ZFYVE1: variants seen among roughly 807,000 people sequenced by gnomAD.
ZFYVE1 encodes zinc finger FYVE-type containing 1, also known as zinc finger FYVE domain-containing protein 1.
In ZFYVE1, 30 loss-of-function variants were observed where a neutral mutation model predicts 74.4. The ratio of observed to expected loss-of-function variants is 0.40; its 90% confidence interval spans 0.30 to 0.55. The LOEUF (loss-of-function observed/expected upper bound fraction) is 0.55. ZFYVE1 is among the 20% of genes least tolerant of loss of function. The pLI, the probability that ZFYVE1 is intolerant of heterozygous loss-of-function variation, is 0.42. For synonymous variants in ZFYVE1, 335 were observed against 385.1 expected, an observed-to-expected ratio of 0.87 and a Z score of 1.52; for missense variants, 703 against 1,011.6, an observed-to-expected ratio of 0.69 and a Z score of 4.14.
At position 73,000,745 on chromosome 14, in the gene ZFYVE1, C is replaced by T. The variant is rs538603145; in HGVS notation, c.484-2430G>A. ...ACATCTAGCTATATACCCAAGAGAACTGAAAACACATGTCCACACAAATCT... is the reference window on the plus strand; with the variant it reads ...ACATCTAGCTATATACCCAAGAGAATTGAAAACACATGTCCACACAAATCT... On this transcript the variant is annotated intron_variant, in intron 2 of 11. Coordinates refer to ENST00000556143, the MANE Select transcript of ZFYVE1 (RefSeq NM_021260.4). Among the ~76,000 whole-genome samples the T allele has an allele frequency of 1.7e-3, 260 of 152,312 alleles. 2 individuals are homozygous for T. Among genetic ancestry groups the T allele is most frequent in the African/African-American group, 5.7e-3 (238 of 41,562 alleles).
At chr14:73,015,104 G>A (rs1305684454) in intron 2 of ZFYVE1, among the ~76,000 whole-genome samples, 7 of 151,006 alleles carry the variant, frequency 4.6e-5, no homozygotes, top group Admixed American at 4.0e-4. Flanking sequence ...GGTGGCAGGC[G>A]CCTATAGTCC....
intron 2 of ZFYVE1, among the ~76,000 whole-genome samples, chr14:73,005,680 T>TA (rs1893963607): frequency 6.6e-6 from 1 of 152,064 alleles, no homozygotes; most frequent in Admixed American, 6.6e-5. Context: ...CTAAAAGAGA[T>TA]AAAGTATGTA....
In ZFYVE1 at chr14:72,998,057, G is replaced by C. The variant is rs914423512; in HGVS notation, c.742C>G (p.Gln248Glu). ...ACCTTAAGCAGCAGCCGTGTTCTCT[G>C]GCTTAGATTCACGGTGGCCCCCAGG... ...GLLGATVNLSQRTRLLLKVLA... is the reference protein window; with the variant it reads ...GLLGATVNLSERTRLLLKVLA... Residue 248 changes from glutamine (Q) to glutamate (E), a missense_variant, in exon 3 of 12, where the codon CAG (glutamine) becomes GAG (glutamate). Physicochemically the swap from Gln to Glu is conservative, Grantham distance 29 (BLOSUM62 2). This residue lies in a region of ZFYVE1 where 492 missense variants were observed against 790.0 expected (regional missense o/e 0.62). Transcript: ENST00000556143. The C allele has an allele frequency of 6.2e-7, 1 of 1,614,108 alleles. No individual in the cohort carries two copies. The highest frequency in any genetic ancestry group is 8.5e-7 in the Non-Finnish European group (1 of 1,180,008).
chr14:73,002,453 T>G lies in ZFYVE1; in HGVS notation c.484-4138A>C, dbSNP rs540429603. On this transcript the variant is annotated intron_variant, in intron 2 of 11. Transcript: ENST00000556143. ...AATACAGTTTTTGGTTTTGGTTTTGTTTTTTTTGAGACGGAGTTTTTGCCT... is the reference window on the plus strand; with the variant it reads ...AATACAGTTTTTGGTTTTGGTTTTGGTTTTTTTGAGACGGAGTTTTTGCCT... Among the ~76,000 whole-genome samples, 30 of 90,210 alleles carry G rather than the reference T, an allele frequency of 3.3e-4. No individual in the cohort carries two copies. The East Asian group carries it at 8.8e-3, about 26-fold the overall frequency. The allele number at this position is 90,210 out of a possible 152,430, so 59.2% of individuals were successfully genotyped here.
At chr14:72,977,173 C>T (rs184336178) in intron 8 of ZFYVE1, among the ~76,000 whole-genome samples, 280 of 152,294 alleles carry the variant, frequency 1.8e-3, no homozygotes, top group Non-Finnish European at 2.8e-3. Context: ...TTTGGGAGGC[C>T]GAGGTGGGCA....
At chr14:73,003,059 T>C (rs1282540072) in intron 2 of ZFYVE1, among the ~76,000 whole-genome samples, 12 of 131,702 alleles carry the variant, frequency 9.1e-5, no homozygotes, top group Non-Finnish European at 1.7e-4. Flanking sequence ...CTTTTCTTTT[T>C]TTTTTTTTTT....
chr14:72,978,810 G>C (rs746789080), intron 6 of ZFYVE1, 51 bp downstream of exon 6: 1 of 1,483,550 alleles, frequency 6.7e-7, no homozygotes, highest in Non-Finnish European at 9.4e-7. Flanking sequence ...GCCAAAGAGA[G>C]AGTGGTCAGC....
intron 11 of ZFYVE1, among the ~76,000 whole-genome samples, chr14:72,971,526 C>T (rs1164455248): frequency 1.3e-5 from 2 of 152,084 alleles, no homozygotes; most frequent in Non-Finnish European, 2.9e-5. Flanking sequence ...CAGGGTTTCA[C>T]CATGTTGTCC....
intron 2 of ZFYVE1, among the ~76,000 whole-genome samples, chr14:73,009,728 C>T (rs1220444947): frequency 1.3e-5 from 2 of 152,206 alleles, no homozygotes; most frequent in Non-Finnish European, 2.9e-5. Flanking sequence ...TGCACTCCTG[C>T]CTGGGCAACA....
At chr14:73,001,032 T>C (rs755180236) in intron 2 of ZFYVE1, among the ~76,000 whole-genome samples, 2 of 152,244 alleles carry the variant, frequency 1.3e-5, no homozygotes, top group Non-Finnish European at 2.9e-5. Context: ...CTGTCATGAC[T>C]GTGCCACTTC....
chr14:72,982,400 A>G (rs1893358091), intron 4 of ZFYVE1, among the ~76,000 whole-genome samples: 1 of 151,514 alleles, frequency 6.6e-6, no homozygotes, highest in East Asian at 1.9e-4. Flanking sequence ...AAAAAAAAAA[A>G]AGAAGAAGAA....
chr14:72,972,169 A>C (rs1345924816), intron 11 of ZFYVE1, among the ~76,000 whole-genome samples: 2 of 152,162 alleles, frequency 1.3e-5, no homozygotes, highest in Non-Finnish European at 2.9e-5. Flanking sequence ...AGCCAAGATC[A>C]CACCACTGCA....
Position 72,998,309 on chromosome 14 carries a change from T to A in ZFYVE1, c.490A>T (p.Asn164Tyr). The A allele has an allele frequency of 7.0e-7, 1 of 1,422,004 alleles. No homozygotes were observed. Among genetic ancestry groups the A allele is most frequent in the Non-Finnish European group, 9.2e-7 (1 of 1,081,988 alleles). 88.1% of individuals were successfully genotyped at this position (1,422,004 alleles called of 1,614,324 possible). A position where few individuals can be genotyped will look rare whatever the true frequency, so the allele number is the denominator to read the frequency against. ...VDENEEIQVT[N>Y]EEDFIRKLDC... Reference sequence around the variant, plus strand: ...AATTTTCTAATAAAGTCTTCTTCATTTGTTACCTGCAAAAAAAAAAAAAAA... The same window carrying A: ...AATTTTCTAATAAAGTCTTCTTCATATGTTACCTGCAAAAAAAAAAAAAAA... The change falls in exon 3 of 12, where the codon AAT becomes TAT. Residue 164 changes from asparagine to tyrosine, a missense_variant. This residue lies in a region of ZFYVE1 where 211 missense variants were observed against 221.7 expected (regional missense o/e 0.95). Transcript: ENST00000556143.
At chr14:72,984,169 A>G (rs1232488028) in intron 4 of ZFYVE1, among the ~76,000 whole-genome samples, 1 of 151,600 alleles carries the variant, frequency 6.6e-6, no homozygotes, top group Admixed American at 6.6e-5. Context: ...TGGACTTCAA[A>G]CAACAAAAAA....
Position 72,970,667 on chromosome 14 carries a change from C to T in ZFYVE1, c.*215G>A, listed in dbSNP as rs1423068552. 3.4e-5 allele frequency: 20 copies of T among 592,790 alleles called. No individual in the cohort carries two copies. The highest frequency in any genetic ancestry group is 6.0e-5 in the Non-Finnish European group (20 of 331,476). The allele number at this position is 592,790 out of a possible 1,614,324, so 36.7% of individuals were successfully genotyped here. On this transcript the variant is annotated 3_prime_UTR_variant, in exon 12 of 12. Coordinates refer to ENST00000556143, the MANE Select transcript of ZFYVE1 (RefSeq NM_021260.4). ...TAAATGCAACGGATTCAGGTTCATT[C>T]CCCTTTGCGATAAGTTGCAAGGTCC...
chr14:73,025,914 G>T (rs551392207), intron 1 of ZFYVE1, among the ~76,000 whole-genome samples: 2 of 152,142 alleles, frequency 1.3e-5, no homozygotes, highest in African/African-American at 4.8e-5. Flanking sequence ...TCCCACAATT[G>T]GGAGGAGTGG....
chr14:72,990,689 C>CTTTTTTT lies in ZFYVE1; in HGVS notation c.1203+2447_1203+2453dup, dbSNP rs369030778. Among the ~76,000 whole-genome samples the CTTTTTTT allele has an allele frequency of 4.5e-4, 30 of 66,704 alleles. 3 individuals are homozygous for CTTTTTTT. The highest frequency in any genetic ancestry group is 7.9e-4 in the Admixed American group (3 of 3,820). The allele number at this position is 66,704 out of a possible 152,430, so 43.8% of individuals were successfully genotyped here. A position where few individuals can be genotyped will look rare whatever the true frequency, so the allele number is the denominator to read the frequency against. ...AAGGGCGTGAGCCACCGCACCTGGC[C>CTTTTTTT]TTTTTTTTTTTTTTTTTTTTTTTTT... is the stretch of plus-strand genomic sequence containing the variant. On this transcript the variant is annotated intron_variant, in intron 4 of 11. Coordinates refer to ENST00000556143, the MANE Select transcript of ZFYVE1 (RefSeq NM_021260.4).
At chr14:72,999,307 A>C (rs1184008988) in intron 2 of ZFYVE1, among the ~76,000 whole-genome samples, 4 of 152,080 alleles carry the variant, frequency 2.6e-5, no homozygotes, top group Admixed American at 6.6e-5. Flanking sequence ...CATGCCTGTA[A>C]TCCCAGCTAC....
At chr14:72,988,026 C>A (rs755365889) in intron 4 of ZFYVE1, among the ~76,000 whole-genome samples, 1 of 152,116 alleles carries the variant, frequency 6.6e-6, no homozygotes, top group Non-Finnish European at 1.5e-5. Flanking sequence ...GTGTGCACAC[C>A]AAAAACTGTT....
Sources: allele counts gnomAD v4.1 joint callset (sites outside exome capture counted in the v4.1 genomes callset), GRCh38; gene constraint gnomAD v4.1.1; regional missense constraint gnomAD v4.1.1; transcripts MANE v1.5; gene names NCBI Gene and HGNC (gene_info 2026-07-23, HGNC 2026-07-21).